The following WDR41 variants were observed in gnomAD, a reference collection of about 807,000 sequenced individuals.
WDR41 encodes the protein WD repeat domain 41.
Under a neutral mutation model 69.3 loss-of-function variants are expected in WDR41, and 63 were observed. That is an observed-to-expected ratio of 0.91 (90% CI 0.74 to 1.12). The LOEUF is 1.12. Among genes scored for constraint, WDR41 ranks in the 50% most tolerant of loss-of-function variants. The pLI, the probability that WDR41 is intolerant of heterozygous loss-of-function variation, is 0.00. For missense variants in WDR41, 543 were observed against 534.5 expected (o/e 1.02, Z -0.16); for synonymous variants, 185 against 192.1 (o/e 0.96, Z 0.31).
At chr5:77,464,346 C>T (rs887266613) in intron 3 of WDR41, among the ~76,000 whole-genome samples, 3 of 123,962 alleles carry the variant, frequency 2.4e-5, no homozygotes, top group East Asian at 2.4e-4. Context: ...GGCATGTTCT[C>T]GGCTCACTGC....
At chr5:77,475,681 C>G (rs1244328423) in intron 2 of WDR41, among the ~76,000 whole-genome samples, 1 of 152,178 alleles carries the variant, frequency 6.6e-6, no homozygotes. Flanking sequence ...ACATCACCAT[C>G]ATCAAAGACC....
At chr5:77,444,057 T>C (rs1032489156) in intron 8 of WDR41, among the ~76,000 whole-genome samples, 14 of 152,010 alleles carry the variant, frequency 9.2e-5, no homozygotes, top group African/African-American at 3.4e-4. Flanking sequence ...ATTTTTGTAT[T>C]TTTAGTAGTG....
intron 1 of WDR41, chr5:77,491,356 C>G (rs903562982): frequency 6.1e-6 from 1 of 164,402 alleles, no homozygotes; most frequent in African/African-American, 2.4e-5. Context: ...CGCTGACTCT[C>G]TTTTCGGACT....
intron 1 of WDR41, chr5:77,499,700 G>A (rs1252520110): frequency 2.0e-5 from 3 of 152,132 alleles, no homozygotes; most frequent in Non-Finnish European, 2.9e-5. Flanking sequence ...GAGAGATAGT[G>A]GAAATAGAAG....
chr5:77,566,070 C>A (rs1743621790), intron 1 of WDR41, among the ~76,000 whole-genome samples: 1 of 152,006 alleles, frequency 6.6e-6, no homozygotes, highest in South Asian at 2.1e-4. Context: ...AAATAATTTA[C>A]CTCTCTATGG....
chr5:77,567,663 T>TAAAAA (rs60723638), intron 1 of WDR41, among the ~76,000 whole-genome samples: 12 of 106,382 alleles, frequency 1.1e-4, no homozygotes, highest in African/African-American at 3.8e-4. Context: ...AACCAAATAG[T>TAAAAA]AAAAAAAAAA....
chr5:77,617,776 T>C (rs1744704683), intron 1 of WDR41, among the ~76,000 whole-genome samples: 1 of 152,282 alleles, frequency 6.6e-6, no homozygotes, highest in Middle Eastern at 3.4e-3. Flanking sequence ...CATTTGTATA[T>C]AAGTAAAGTT....
At chr5:77,478,515 T>C (rs1315236225) in intron 2 of WDR41, among the ~76,000 whole-genome samples, 1 of 152,120 alleles carries the variant, frequency 6.6e-6, no homozygotes, top group Non-Finnish European at 1.5e-5. Flanking sequence ...GCAAGGCTGG[T>C]TCAATATACG....
At chr5:77,615,607 TTG>T (rs1256902431) in intron 1 of WDR41, among the ~76,000 whole-genome samples, 2 of 151,328 alleles carry the variant, frequency 1.3e-5, no homozygotes, top group African/African-American at 4.9e-5. Context: ...AATAATGAGT[TTG>T]TGTGATTTTC....
intron 6 of WDR41, chr5:77,452,919 G>C (rs920306346): frequency 2.6e-5 from 4 of 152,136 alleles, no homozygotes; most frequent in African/African-American, 9.7e-5. Flanking sequence ...ACAGGCTAGT[G>C]AAAGAGAGAG....
intron 1 of WDR41, among the ~76,000 whole-genome samples, chr5:77,585,289 G>T (rs1002094696): frequency 1.3e-5 from 2 of 152,142 alleles, no homozygotes; most frequent in Non-Finnish European, 2.9e-5. Context: ...CCTCACTCCT[G>T]CAAGAATGGC....
At chr5:77,481,751 C>T (rs960724287) in intron 2 of WDR41, among the ~76,000 whole-genome samples, 1 of 143,594 alleles carries the variant, frequency 7.0e-6, no homozygotes, top group Non-Finnish European at 1.5e-5. Context: ...CACCACTGCA[C>T]TCCAGCCTGG....
chr5:77,433,533 GTTC>G (rs1798810552), intron 12 of WDR41, among the ~76,000 whole-genome samples: 1 of 152,100 alleles, frequency 6.6e-6, no homozygotes, highest in Non-Finnish European at 1.5e-5. Context: ...AATTCTCATA[GTTC>G]TTCCAGATTT....
At chr5:77,491,057 T>C (rs145174387) in intron 1 of WDR41, 3,141 of 260,508 alleles carry the variant, frequency 0.012, 68 homozygotes, top group African/African-American at 0.055. Context: ...CCCGGTGACT[T>C]GCACATATAC....
chr5:77,455,268 ATTTG>A (rs1214344323), intron 5 of WDR41, among the ~76,000 whole-genome samples: 1 of 152,086 alleles, frequency 6.6e-6, no homozygotes, highest in Non-Finnish European at 1.5e-5. Context: ...CTTATTTGCT[ATTTG>A]TTTATCTTCT....
rs1012171333 is a variant in WDR41, at chr5:77,558,114, A to C, written c.42+62365T>G. Among the ~76,000 whole-genome samples the C allele has an allele frequency of 1.2e-4, 18 of 148,888 alleles. 1 individual carries two copies. The East Asian group carries it at 1.8e-3, about 15-fold the overall frequency. ...CTTTTTAAAAAAAAAAAAAAAAAAAAAACAAAACAGGAGTAGGTATGTAGG... is the reference window on the plus strand; with the variant it reads ...CTTTTTAAAAAAAAAAAAAAAAAAACAACAAAACAGGAGTAGGTATGTAGG... On this transcript the variant is annotated intron_variant, in intron 1 of 5. Transcript: ENST00000509971.
chr5:77,501,299 G>T (rs1166192133), intron 1 of WDR41, among the ~76,000 whole-genome samples: 2 of 152,246 alleles, frequency 1.3e-5, no homozygotes, highest in South Asian at 4.1e-4. Context: ...AGATTGAACT[G>T]CAAGGCGGCA....
intron 2 of WDR41, among the ~76,000 whole-genome samples, chr5:77,476,947 C>T (rs1039560217): frequency 6.9e-6 from 1 of 145,744 alleles, no homozygotes; most frequent in Admixed American, 6.8e-5. Context: ...TGCAGAGACA[C>T]ACATAGGCTC....
intron 5 of WDR41, 114 bp downstream of exon 5, chr5:77,458,948 T>C: frequency 1.4e-6 from 1 of 696,454 alleles, no homozygotes; most frequent in Middle Eastern, 3.7e-4. Flanking sequence ...TACAAGTGTG[T>C]GGAAAGAAAT....
Sources: allele counts gnomAD v4.1 joint callset (sites outside exome capture counted in the v4.1 genomes callset), GRCh38; gene constraint gnomAD v4.1.1; transcripts MANE v1.5; gene names NCBI Gene and HGNC (gene_info 2026-07-23, HGNC 2026-07-21).